Variants in SUGCT observed in about 807,000 individuals in gnomAD.
SUGCT encodes the protein succinyl-CoA:glutarate-CoA transferase, also known as succinyl-CoA:glutarate CoA-transferase.
SUGCT carries 41 observed loss-of-function variants against 55.0 expected under a neutral mutation model. That is an observed-to-expected ratio of 0.74 (90% CI 0.58 to 0.97). The LOEUF (loss-of-function observed/expected upper bound fraction) is 0.97. Ranked by LOEUF, SUGCT falls within the 50% of genes least tolerant of loss-of-function variation. The probability of loss-of-function intolerance (pLI) is 0.00; values close to 1 mark genes in which losing one functional copy is unlikely to be tolerated. For missense variants in SUGCT, 568 were observed against 547.8 expected, an observed-to-expected ratio of 1.04 and a Z score of -0.37; for synonymous variants, 187 against 200.4, an observed-to-expected ratio of 0.93 and a Z score of 0.56.
intron 12 of SUGCT, among the ~76,000 whole-genome samples, chr7:40,707,053 C>A (rs989751837): frequency 6.6e-6 from 1 of 152,152 alleles, no homozygotes; most frequent in Non-Finnish European, 1.5e-5. Flanking sequence ...CATGTCCTAG[C>A]AGCTTCCTCG....
At chr7:40,862,278 T>C (rs947545385), downstream of SUGCT, among the ~76,000 whole-genome samples, 1 of 152,150 alleles carries the variant, frequency 6.6e-6, no homozygotes, top group South Asian at 2.1e-4. Flanking sequence ...ACAAAAAGAC[T>C]GTCTCTAGTG....
chr7:40,452,290 T>A (rs983527497), intron 10 of SUGCT, among the ~76,000 whole-genome samples: 1 of 152,234 alleles, frequency 6.6e-6, no homozygotes, highest in African/African-American at 2.4e-5. Flanking sequence ...TATTTTAAGC[T>A]GATGGATGCC....
chr7:40,668,032 A>G (rs1220160830), intron 12 of SUGCT, among the ~76,000 whole-genome samples: 2 of 152,208 alleles, frequency 1.3e-5, no homozygotes, highest in East Asian at 3.9e-4. Context: ...ATCATAATTA[A>G]AGCAATTATT....
intron 11 of SUGCT, among the ~76,000 whole-genome samples, chr7:40,473,765 T>C: frequency 6.6e-6 from 1 of 152,192 alleles, no homozygotes; most frequent in East Asian, 1.9e-4. Context: ...GAAATTAATT[T>C]AGGAACTCAC....
intron 6 of SUGCT, among the ~76,000 whole-genome samples, chr7:40,236,341 C>T (rs1457465432): frequency 6.7e-6 from 1 of 149,628 alleles, no homozygotes; most frequent in African/African-American, 2.5e-5. Context: ...CGTGAGCCAC[C>T]ACGCCTGGCC....
chr7:40,759,183 C>T lies in SUGCT; in HGVS notation c.1153+9686C>T, dbSNP rs1036477889. 2.6e-5 allele frequency among the ~76,000 whole-genome samples: 4 copies of T among 152,174 alleles called. No homozygotes were observed. The East Asian group carries it at 7.7e-4, about 29-fold the overall frequency. ...GCTGGGCCTTCAAGTTCATGTGTGA[C>T]CTTAAATAACTGACCTCAGCTTCTA... is the stretch of plus-strand genomic sequence containing the variant. On this transcript the variant is annotated intron_variant, in intron 13 of 13. Coordinates refer to ENST00000335693, the MANE Select transcript of SUGCT (RefSeq NM_001193313.2).
chr7:40,840,294 C>T (rs1793208691), intron 13 of SUGCT, among the ~76,000 whole-genome samples: 1 of 151,952 alleles, frequency 6.6e-6, no homozygotes, highest in African/African-American at 2.4e-5. Context: ...GCTTGTAATC[C>T]TAAGTCTCAA....
chr7:40,377,388 G>A (rs948678541), intron 9 of SUGCT, among the ~76,000 whole-genome samples: 19 of 150,562 alleles, frequency 1.3e-4, no homozygotes, highest in Non-Finnish European at 2.7e-4. Context: ...GATGACAGGC[G>A]TGAGCCACCA....
chr7:40,950,195 G>A, the SUGCT span, among the ~76,000 whole-genome samples: 1 of 152,156 alleles, frequency 6.6e-6, no homozygotes, highest in Non-Finnish European at 1.5e-5. Context: ...TGGATTCCTA[G>A]ATATTTTATT....
At chr7:40,595,744 A>G in intron 12 of SUGCT, among the ~76,000 whole-genome samples, 1 of 152,194 alleles carries the variant, frequency 6.6e-6, no homozygotes, top group East Asian at 1.9e-4. Context: ...AACTCATTAA[A>G]GGTCAAATGT....
At chr7:40,445,539 C>T (rs1412825410) in intron 9 of SUGCT, among the ~76,000 whole-genome samples, 11 of 152,038 alleles carry the variant, frequency 7.2e-5, no homozygotes, top group African/African-American at 9.7e-5. Flanking sequence ...TAGGATCAGG[C>T]GGATTCACAG....
chr7:40,523,632 G>A (rs891513453), intron 12 of SUGCT, among the ~76,000 whole-genome samples: 3 of 152,046 alleles, frequency 2.0e-5, no homozygotes, highest in Non-Finnish European at 2.9e-5. Context: ...GAAGGTTCTA[G>A]GGGAGGATCT....
intron 12 of SUGCT, among the ~76,000 whole-genome samples, chr7:40,710,153 A>T (rs1249960278): frequency 6.6e-6 from 1 of 152,142 alleles, no homozygotes; most frequent in Non-Finnish European, 1.5e-5. Flanking sequence ...CAAAATTCCC[A>T]GTCTTCACTG....
At chr7:40,446,352 CA>C (rs1788835721) in intron 9 of SUGCT, among the ~76,000 whole-genome samples, 1 of 152,090 alleles carries the variant, frequency 6.6e-6, no homozygotes. Flanking sequence ...CACCCTTCTC[CA>C]CAAAAAAGCA....
chr7:40,667,055 T>C (rs1007034749), intron 12 of SUGCT, among the ~76,000 whole-genome samples: 5 of 149,546 alleles, frequency 3.3e-5, no homozygotes, highest in African/African-American at 1.2e-4. Flanking sequence ...GTCAAGGCTG[T>C]ATGGTTGTGC....
At chr7:40,398,549 A>G (rs1453371247) in intron 9 of SUGCT, among the ~76,000 whole-genome samples, 1 of 138,956 alleles carries the variant, frequency 7.2e-6, no homozygotes, top group African/African-American at 2.7e-5. Flanking sequence ...TTCTTGTTAT[A>G]TCTCCCTAAA....
chr7:41,019,741 G>A, the SUGCT span, among the ~76,000 whole-genome samples: 3 of 152,192 alleles, frequency 2.0e-5, no homozygotes, highest in Non-Finnish European at 4.4e-5. Flanking sequence ...TACAGCTTCT[G>A]CCTGATGGGG....
chr7:40,304,048 CAAA>C, intron 8 of SUGCT, among the ~76,000 whole-genome samples: 1 of 61,560 alleles, frequency 1.6e-5, no homozygotes, highest in African/African-American at 5.1e-5. Flanking sequence ...GACTCCATCT[CAAA>C]AAAAAAAAAA....
At chr7:40,832,421 G>A (rs536905829) in intron 13 of SUGCT, among the ~76,000 whole-genome samples, 93 of 152,142 alleles carry the variant, frequency 6.1e-4, no homozygotes, top group Middle Eastern at 6.8e-3. Flanking sequence ...CAAGAATTAC[G>A]TAATAGGACA....
Sources: allele counts gnomAD v4.1 joint callset (sites outside exome capture counted in the v4.1 genomes callset), GRCh38; gene constraint gnomAD v4.1.1; transcripts MANE v1.5; gene names NCBI Gene and HGNC (gene_info 2026-07-23, HGNC 2026-07-21).